The following PXN variants were observed in gnomAD, a reference collection of about 807,000 sequenced individuals.
The protein encoded by PXN is testicular tissue protein Li 134.
PXN carries 61 observed loss-of-function variants against 103.6 expected under a neutral mutation model. The ratio of observed to expected loss-of-function variants is 0.59; its 90% CI spans 0.48 to 0.73. PXN has a LOEUF of 0.73. PXN is among the 30% of genes least tolerant of loss of function. The pLI, the probability that PXN is intolerant of heterozygous loss-of-function variation, is 0.00. For synonymous variants in PXN, 562 were observed against 607.8 expected (o/e 0.92, Z 1.11); for missense variants, 1,274 against 1,460.3 (o/e 0.87, Z 2.08).
chr12:120,215,969 T>C lies in PXN; in HGVS notation c.2301+304A>G. ...GGGGGCTGGAAGGGAGGAGACAGGTTTCTGGTCTCCCTTCTGGAGTGGCTT... is the reference window on the plus strand; with the variant it reads ...GGGGGCTGGAAGGGAGGAGACAGGTCTCTGGTCTCCCTTCTGGAGTGGCTT... On this transcript the variant is annotated intron_variant, in intron 9 of 14. Coordinates refer to ENST00000637617, the MANE Select transcript of PXN (RefSeq NM_001385981.1). This position sits in a 1 kb window ranked among gnomAD's most constrained non-coding sequence, Gnocchi z 4.9. 2 of 1,377,830 alleles carry C rather than the reference T, an allele frequency of 1.5e-6. No homozygotes were observed. The highest frequency in any genetic ancestry group is 1.5e-5 in the African/African-American group (1 of 67,786). 85.4% of individuals were successfully genotyped at this position (1,377,830 alleles called of 1,614,324 possible).
chr12:120,242,198 A>G (rs1890273668), intron 1 of PXN, among the ~76,000 whole-genome samples: 1 of 152,122 alleles, frequency 6.6e-6, no homozygotes, highest in African/African-American at 2.4e-5. Context: ...GTTAAATTAT[A>G]TGGTACCCTT....
intron 1 of PXN, among the ~76,000 whole-genome samples, chr12:120,260,338 C>T (rs552676815): frequency 7.9e-5 from 12 of 152,118 alleles, no homozygotes; most frequent in South Asian, 6.2e-4. Context: ...GGAGAAACTC[C>T]GTCTCTACTA....
In PXN at chr12:120,216,318, G is replaced by A. The variant is rs971277565; in HGVS notation, c.2256C>T (p.Ser752=). ...LPIPAPHTMR[S]VGCQTDEDPL... is the part of the protein sequence containing the mutation. ...GGTCCTCATCAGTCTGGCAGCCCACGGACCTCATGGTGTGGGGTGCAGGAA... is the reference window on the plus strand; with the variant it reads ...GGTCCTCATCAGTCTGGCAGCCCACAGACCTCATGGTGTGGGGTGCAGGAA... The change falls in exon 9 of 15, where the codon TCC becomes TCT. Residue 752 remains serine (S), a synonymous_variant. Transcript: ENST00000637617. This position sits in a 1 kb window ranked among gnomAD's most constrained non-coding sequence, Gnocchi z 5.1. The A allele has an allele frequency of 1.4e-5, 18 of 1,285,832 alleles. No homozygotes were observed. The African/African-American group carries it at 1.7e-4, about 12-fold the overall frequency. 79.7% of individuals were successfully genotyped at this position (1,285,832 alleles called of 1,614,324 possible). A position where few individuals can be genotyped will look rare whatever the true frequency, so the allele number is the denominator to read the frequency against.
At chr12:120,257,661 A>G (rs1893232074) in intron 1 of PXN, among the ~76,000 whole-genome samples, 1 of 152,240 alleles carries the variant, frequency 6.6e-6, no homozygotes, top group Non-Finnish European at 1.5e-5. Flanking sequence ...GAGTCAGCAC[A>G]AACTAGACAG....
intron 1 of PXN, among the ~76,000 whole-genome samples, chr12:120,252,936 T>C (rs1303348320): frequency 1.4e-5 from 2 of 146,194 alleles, no homozygotes; most frequent in African/African-American, 5.1e-5. Flanking sequence ...AGGCGGAGGT[T>C]GCAGTTGAGC....
In PXN at chr12:120,220,012, G is replaced by T; in HGVS notation, c.911C>A (p.Ser304Tyr). The T allele has an allele frequency of 6.4e-7, 1 of 1,558,662 alleles. No individual in the cohort carries two copies. Among genetic ancestry groups the T allele is most frequent in the Non-Finnish European group, 8.7e-7 (1 of 1,146,898 alleles). ...APSSYCSLPP[S>Y]PPPMPSVFLP... Reference sequence around the variant, plus strand: ...AAATACAGATGGCATGGGAGGAGGAGAAGGAGGAAGGGAGCAGTATGAGGA... The same window carrying T: ...AAATACAGATGGCATGGGAGGAGGATAAGGAGGAAGGGAGCAGTATGAGGA... Residue 304 changes from serine to tyrosine, a missense_variant, in exon 7 of 15, where the codon TCT becomes TAT. Coordinates refer to ENST00000637617, the MANE Select transcript of PXN (RefSeq NM_001385981.1). The surrounding 1 kb of genome is among the most constrained non-coding windows in gnomAD (Gnocchi z 6.1).
chr12:120,257,899 A>C (rs1459186524), intron 1 of PXN, among the ~76,000 whole-genome samples: 1 of 152,074 alleles, frequency 6.6e-6, no homozygotes, highest in Non-Finnish European at 1.5e-5. Flanking sequence ...GAATTATGTA[A>C]AGCCTTGCTG....
In PXN at chr12:120,229,332, T is replaced by C. The variant is rs1044310679; in HGVS notation, c.14-4955A>G. ...CCTAAGCCCCTGCCACTTCTTAGTG[T>C]GTGATAAAGACTATCAAGACCAGAG... On this transcript the variant is annotated intron_variant, in intron 1 of 14. Transcript: ENST00000637617. The surrounding 1 kb of genome is among the most constrained non-coding windows in gnomAD (Gnocchi z 4.0). 1.6e-4 allele frequency among the ~76,000 whole-genome samples: 25 copies of C among 152,100 alleles called. No individual in the cohort carries two copies. The highest frequency in any genetic ancestry group is 6.0e-4 in the African/African-American group (25 of 41,402).
chr12:120,216,655 C>T lies in PXN; in HGVS notation c.1993-74G>A. On this transcript the variant is annotated intron_variant, in intron 8 of 14. Transcript: ENST00000637617. The surrounding 1 kb of genome is among the most constrained non-coding windows in gnomAD (Gnocchi z 5.1). ...AGCCCACAGGGGTGGCGGGACCTCCCCAGGCTCCCCCTGGGCCTTCCCACT... is the reference window on the plus strand; with the variant it reads ...AGCCCACAGGGGTGGCGGGACCTCCTCAGGCTCCCCCTGGGCCTTCCCACT... 1 of 1,558,816 alleles carries T rather than the reference C, an allele frequency of 6.4e-7. No individual in the cohort carries two copies. Among genetic ancestry groups the T allele is most frequent in the Non-Finnish European group, 8.6e-7 (1 of 1,168,064 alleles).
At position 120,219,134 on chromosome 12, in the gene PXN, C is replaced by T. The variant is rs1029711040; in HGVS notation, c.1716+73G>A. 1.4e-6 allele frequency: 2 copies of T among 1,381,026 alleles called. No individual in the cohort carries two copies. Among genetic ancestry groups the T allele is most frequent in the Admixed American group, 2.7e-5 (1 of 36,462 alleles). 85.5% of individuals were successfully genotyped at this position (1,381,026 alleles called of 1,614,324 possible). A position where few individuals can be genotyped will look rare whatever the true frequency, so the allele number is the denominator to read the frequency against. ...CATGCGCAGAGTGGGAGGCTGCATG[C>T]AGTTAGCGAGGAGCGGCCCACACTC... On this transcript the variant is annotated intron_variant, in intron 7 of 14. Coordinates refer to ENST00000637617, the MANE Select transcript of PXN (RefSeq NM_001385981.1). The surrounding 1 kb of genome is among the most constrained non-coding windows in gnomAD (Gnocchi z 6.5).
chr12:120,230,632 C>G (rs1298351924), intron 1 of PXN, among the ~76,000 whole-genome samples: 1 of 152,046 alleles, frequency 6.6e-6, no homozygotes, highest in East Asian at 1.9e-4. Context: ...CTCCCCCCTC[C>G]CCCTGGCTCC....
At chr12:120,235,906 C>T (rs1406596006) in intron 1 of PXN, among the ~76,000 whole-genome samples, 1 of 152,150 alleles carries the variant, frequency 6.6e-6, no homozygotes, top group African/African-American at 2.4e-5. Context: ...CCTCTGACCT[C>T]GCAGAGATGA....
intron 1 of PXN, among the ~76,000 whole-genome samples, chr12:120,254,173 C>T (rs953323626): frequency 9.2e-5 from 14 of 152,238 alleles, no homozygotes; most frequent in Admixed American, 9.2e-4. Context: ...GCCACCACGT[C>T]CAGTCCAATA....
rs1370393445 is a variant in PXN, at chr12:120,219,734, C to A, written c.1189G>T (p.Ala397Ser). 6.3e-7 allele frequency: 1 copy of A among 1,595,924 alleles called. No homozygotes were observed. Among genetic ancestry groups the A allele is most frequent in the Admixed American group, 1.7e-5 (1 of 59,664 alleles). ...LPTITSELSG[A>S]PRCHTVPCAG... ...CAGGGTACAGTGTGGCAGCGGGGAG[C>A]CCCAGAGAGCTCACTTGTGATGGTC... The change falls in exon 7 of 15, where the codon GCT (alanine) becomes TCT (serine). Residue 397 changes from alanine (A) to serine (S), a missense_variant. Ala to Ser is a moderately conservative substitution (Grantham distance 99). Coordinates refer to ENST00000637617, the MANE Select transcript of PXN (RefSeq NM_001385981.1). The surrounding 1 kb of genome is among the most constrained non-coding windows in gnomAD (Gnocchi z 6.5).
In PXN at chr12:120,216,418, G is replaced by A. The variant is rs759140361; in HGVS notation, c.2156C>T (p.Thr719Ile). The change falls in exon 9 of 15, where the codon ACC (threonine) becomes ATC (isoleucine). Residue 719 changes from threonine (T) to isoleucine (I), a missense_variant. Physicochemically the swap from Thr to Ile is moderately conservative, Grantham distance 89. Around this residue, in one of 2 missense-constraint regions of PXN, gnomAD observed 1,178 missense variants for 1,309.0 expected, o/e 0.90. Coordinates refer to ENST00000637617, the MANE Select transcript of PXN (RefSeq NM_001385981.1). This position sits in a 1 kb window ranked among gnomAD's most constrained non-coding sequence, Gnocchi z 5.1. Reference protein sequence around the residue: ...ASSPLGPSAYTCGSSGVQSAG... With the variant: ...ASSPLGPSAYICGSSGVQSAG... ...ACTCTGGACCCCAGAAGAACCACAG[G>A]TATAAGCTGAGGGCCCCAGGGGGGA... 254 of 1,371,824 alleles carry A rather than the reference G, an allele frequency of 1.9e-4. No homozygotes were observed. Among genetic ancestry groups the A allele is most frequent in the Middle Eastern group, 1.1e-3 (4 of 3,730 alleles). The allele number at this position is 1,371,824 out of a possible 1,614,324, so 85.0% of individuals were successfully genotyped here. A position where few individuals can be genotyped will look rare whatever the true frequency, so the allele number is the denominator to read the frequency against.
chr12:120,212,419 C>A lies in PXN; in HGVS notation c.3141G>T (p.Glu1047Asp). The A allele has an allele frequency of 6.2e-7, 1 of 1,613,990 alleles. No homozygotes were observed. The highest frequency in any genetic ancestry group is 8.5e-7 in the Non-Finnish European group (1 of 1,179,886). ...TGAGGCAGAAGGCACAGACGAAGTG[C>A]TCGGGGTGGAACTTCTTGGCCATGG... ...ITAMAKKFHP[E>D]HFVCAFCLKQ... The change falls in exon 15 of 15, where the codon GAG (glutamate) becomes GAT (aspartate). Residue 1047 changes from glutamate (E) to aspartate (D), a missense_variant. This residue lies in a region of PXN where 96 missense variants were observed against 151.3 expected (regional missense o/e 0.63). Transcript: ENST00000637617. This position sits in a 1 kb window ranked among gnomAD's most constrained non-coding sequence, Gnocchi z 7.2.
rs755640401 is a variant in PXN, at chr12:120,219,802, G to A, written c.1121C>T (p.Ala374Val). The A allele has an allele frequency of 7.5e-6, 12 of 1,598,244 alleles. 1 individual carries two copies. In the South Asian group the frequency reaches 1.1e-4, roughly 15 times the overall value. Residue 374 changes from alanine to valine, a missense_variant, in exon 7 of 15, where the codon GCA becomes GTA. By Grantham distance (64) the Ala-to-Val change is moderately conservative (BLOSUM62 0). This residue lies in a region of PXN where 1,178 missense variants were observed against 1,309.0 expected (regional missense o/e 0.90). Transcript: ENST00000637617. The surrounding 1 kb of genome is among the most constrained non-coding windows in gnomAD (Gnocchi z 6.5). ...TCGACCCTGACTCTCTGTGCCCACTGCCCACAGAGAACCCTCCACAGAGGG... is the reference window on the plus strand; with the variant it reads ...TCGACCCTGACTCTCTGTGCCCACTACCCACAGAGAACCCTCCACAGAGGG... ...RSPSVEGSLW[A>V]VGTESQGRDW...
In PXN at chr12:120,265,695, C is replaced by G. The variant is rs1185088173; in HGVS notation, c.-66G>C. 7.6e-7 allele frequency: 1 copy of G among 1,310,918 alleles called. No homozygotes were observed. The highest frequency in any genetic ancestry group is 9.8e-7 in the Non-Finnish European group (1 of 1,025,340). 81.2% of individuals were successfully genotyped at this position (1,310,918 alleles called of 1,614,324 possible). On this transcript the variant is annotated 5_prime_UTR_variant, in exon 1 of 15. Coordinates refer to ENST00000637617, the MANE Select transcript of PXN (RefSeq NM_001385981.1). The surrounding 1 kb of genome is among the most constrained non-coding windows in gnomAD (Gnocchi z 5.7). ...CCGTCCCGGGGCCGCTCGTCTATGCCCCGCAACTTTTCCGCCGCGAGCCTC... is the reference window on the plus strand; with the variant it reads ...CCGTCCCGGGGCCGCTCGTCTATGCGCCGCAACTTTTCCGCCGCGAGCCTC...
intron 1 of PXN, among the ~76,000 whole-genome samples, chr12:120,238,034 G>T (rs1033897472): frequency 6.6e-6 from 1 of 152,354 alleles, no homozygotes; most frequent in East Asian, 1.9e-4. Context: ...CAATTTCTCC[G>T]GAGGCCCGGA....
Sources: allele counts gnomAD v4.1 joint callset (sites outside exome capture counted in the v4.1 genomes callset), GRCh38; gene constraint gnomAD v4.1.1; regional missense constraint gnomAD v4.1.1; non-coding constraint Gnocchi (gnomAD v3.1); transcripts MANE v1.5; gene names NCBI Gene and HGNC (gene_info 2026-07-23, HGNC 2026-07-21).